CAPZA2: variants seen among roughly 807,000 people sequenced by gnomAD.
The protein encoded by CAPZA2 is capping actin protein of muscle Z-line subunit alpha 2, also known as F-actin-capping protein subunit alpha-2.
A neutral mutation model predicts 44.0 loss-of-function variants in CAPZA2; 13 were observed. The observed-to-expected ratio is 0.30, with a 90% confidence interval of 0.19 to 0.47. CAPZA2 has a LOEUF of 0.47. CAPZA2 is among the 20% of genes least tolerant of loss of function. The pLI is 1.00. For missense variants in CAPZA2, 244 were observed against 338.6 expected (o/e 0.72, Z 2.19); for synonymous variants, 94 against 108.2 (o/e 0.87, Z 0.81).
At chr7:116,886,114 A>T (rs771896706) in intron 1 of CAPZA2, 1 of 154,846 alleles carries the variant, frequency 6.5e-6, no homozygotes, top group Non-Finnish European at 1.5e-5. Flanking sequence ...TAAGATGATA[A>T]CAAAAATGGT....
intron 9 of CAPZA2, among the ~76,000 whole-genome samples, chr7:116,916,993 A>T (rs942511070): frequency 6.6e-6 from 1 of 152,108 alleles, no homozygotes; most frequent in African/African-American, 2.4e-5. Context: ...ATTATGTGTA[A>T]TCTGTTTAGA....
At chr7:116,912,207 G>A (rs902623698) in intron 8 of CAPZA2, 67 bp downstream of exon 8, 30 of 1,578,880 alleles carry the variant, frequency 1.9e-5, no homozygotes, top group Non-Finnish European at 2.6e-5. Flanking sequence ...GTTTTGGAAT[G>A]AACATTTTAA....
At chr7:116,916,524 G>A (rs967560748) in intron 9 of CAPZA2, among the ~76,000 whole-genome samples, 2 of 152,148 alleles carry the variant, frequency 1.3e-5, no homozygotes, top group Non-Finnish European at 2.9e-5. Flanking sequence ...TACTCGGGAG[G>A]CTGAGGCAGG....
At chr7:116,913,116 C>G (rs1286816682) in intron 8 of CAPZA2, among the ~76,000 whole-genome samples, 1 of 152,096 alleles carries the variant, frequency 6.6e-6, no homozygotes, top group Non-Finnish European at 1.5e-5. Context: ...TGCTCATTTC[C>G]TAATTGATTA....
At chr7:116,895,894 A>G (rs1796918945) in intron 3 of CAPZA2, among the ~76,000 whole-genome samples, 1 of 152,060 alleles carries the variant, frequency 6.6e-6, no homozygotes. Context: ...TCTTCATCCC[A>G]CTTAGTTCTG....
chr7:116,898,747 G>A, intron 3 of CAPZA2, 25 bp from the exon 4 acceptor site: 1 of 1,480,100 alleles, frequency 6.8e-7, no homozygotes, highest in Non-Finnish European at 9.2e-7. Flanking sequence ...ATAATTTTAA[G>A]TAATTGCCAT....
In CAPZA2 at chr7:116,904,365, C is replaced by T; in HGVS notation, c.408C>T (p.Tyr136=). The T allele has an allele frequency of 6.2e-7, 1 of 1,611,130 alleles. No individual in the cohort carries two copies. ...TGAGAGCTTACGTAAAAGAACATTACCCGAATGGAGTCTGCACTGTAAGTC... is the reference window on the plus strand; with the variant it reads ...TGAGAGCTTACGTAAAAGAACATTATCCGAATGGAGTCTGCACTGTAAGTC... ...TALRAYVKEH[Y]PNGVCTVYGK... is the part of the protein sequence containing the mutation. The change falls in exon 5 of 10, where the codon TAC becomes TAT. Residue 136 remains tyrosine (Y), a synonymous_variant. Coordinates refer to ENST00000361183, the MANE Select transcript of CAPZA2 (RefSeq NM_006136.3).
chr7:116,901,686 G>A (rs1255678937), intron 4 of CAPZA2, among the ~76,000 whole-genome samples: 2 of 151,956 alleles, frequency 1.3e-5, no homozygotes, highest in African/African-American at 4.8e-5. Context: ...TACTCTTCTT[G>A]AAACACATAA....
chr7:116,874,948 G>T (rs1796603204), intron 1 of CAPZA2, among the ~76,000 whole-genome samples: 1 of 152,118 alleles, frequency 6.6e-6, no homozygotes. Flanking sequence ...AATTAGCCAG[G>T]TATGGTGGTG....
intron 1 of CAPZA2, among the ~76,000 whole-genome samples, chr7:116,868,083 T>C (rs1796505500): frequency 6.6e-6 from 1 of 152,238 alleles, no homozygotes; most frequent in African/African-American, 2.4e-5. Flanking sequence ...GTGTTGGTAC[T>C]GCTCCCAGGT....
At chr7:116,884,478 T>C (rs1300086861) in intron 1 of CAPZA2, among the ~76,000 whole-genome samples, 6 of 152,188 alleles carry the variant, frequency 3.9e-5, no homozygotes, top group Admixed American at 1.3e-4. Flanking sequence ...TAATATTGTT[T>C]ATTTGAGAAT....
rs118137873 is a variant in CAPZA2, at chr7:116,869,081, A to G, written c.39+6431A>G. Among the ~76,000 whole-genome samples, 1,417 of 152,366 alleles carry G rather than the reference A, an allele frequency of 9.3e-3. 17 individuals are homozygous for G. The highest frequency in any genetic ancestry group is 0.028 in the African/African-American group (1,150 of 41,588). The stretch of plus-strand genomic sequence containing the variant: ...AAAATAATTTTTAAGGTTGAAAAGC[A>G]GGATGGCAAAACTTGGATCTGTGGT... On this transcript the variant is annotated intron_variant, in intron 1 of 9. Coordinates refer to ENST00000361183, the MANE Select transcript of CAPZA2 (RefSeq NM_006136.3).
At chr7:116,868,515 C>G (rs1340836430) in intron 1 of CAPZA2, among the ~76,000 whole-genome samples, 1 of 152,108 alleles carries the variant, frequency 6.6e-6, no homozygotes, top group African/African-American at 2.4e-5. Context: ...GGTGGATCAC[C>G]TGAGGTCCGG....
At chr7:116,884,961 C>T (rs982683502) in intron 1 of CAPZA2, among the ~76,000 whole-genome samples, 8 of 152,098 alleles carry the variant, frequency 5.3e-5, no homozygotes, top group East Asian at 1.9e-4. Flanking sequence ...AGTAGTATTT[C>T]GTGATTTCAA....
intron 3 of CAPZA2, among the ~76,000 whole-genome samples, chr7:116,895,530 A>G (rs1015007969): frequency 2.0e-5 from 3 of 152,148 alleles, no homozygotes; most frequent in Non-Finnish European, 4.4e-5. Context: ...TTTTAAGTAA[A>G]CGAGTATTTG....
chr7:116,864,894 G>T (rs1395977061), intron 1 of CAPZA2, among the ~76,000 whole-genome samples: 1 of 151,976 alleles, frequency 6.6e-6, no homozygotes, highest in African/African-American at 2.4e-5. Context: ...ATTAAGTTTT[G>T]AATACTTTTA....
chr7:116,906,191 T>A lies in CAPZA2; in HGVS notation c.427-72T>A. On this transcript the variant is annotated intron_variant, in intron 5 of 9. Coordinates refer to ENST00000361183, the MANE Select transcript of CAPZA2 (RefSeq NM_006136.3). ...CAAAGTACTGTACAATTTGCAGTAT[T>A]TTATAGATTTTTAAAGTTGGACATT... 7.7e-6 allele frequency: 12 copies of A among 1,565,266 alleles called. 1 individual carries two copies. The South Asian group carries it at 1.3e-4, about 17-fold the overall frequency.
intron 3 of CAPZA2, among the ~76,000 whole-genome samples, chr7:116,893,886 T>G (rs1336101595): frequency 6.6e-6 from 1 of 152,186 alleles, no homozygotes. Flanking sequence ...ATCCTGCAAT[T>G]TCAGAGAAAT....
intron 1 of CAPZA2, among the ~76,000 whole-genome samples, chr7:116,882,095 T>A (rs1796710030): frequency 6.6e-6 from 1 of 152,220 alleles, no homozygotes; most frequent in Admixed American, 6.5e-5. Flanking sequence ...ATAACTTTGA[T>A]CATTTATTTG....
Sources: allele counts gnomAD v4.1 joint callset (sites outside exome capture counted in the v4.1 genomes callset), GRCh38; gene constraint gnomAD v4.1.1; transcripts MANE v1.5; gene names NCBI Gene and HGNC (gene_info 2026-07-23, HGNC 2026-07-21).